The following DENND6A variants were observed in gnomAD, a reference collection of about 807,000 sequenced individuals.
DENND6A encodes the protein protein DENND6A.
Under a neutral mutation model 95.5 loss-of-function variants are expected in DENND6A, and 43 were observed. That is an observed-to-expected ratio of 0.45 (90% CI 0.35 to 0.58). DENND6A has a LOEUF of 0.58. Among genes scored for constraint, DENND6A ranks in the 20% least tolerant of loss-of-function variants. DENND6A has a pLI of 0.00. For missense variants in DENND6A, 574 were observed against 736.0 expected (o/e 0.78, Z 2.55); for synonymous variants, 257 against 260.4 (o/e 0.99, Z 0.13).
chr3:57,674,592 C>T lies in DENND6A; in HGVS notation c.238-2154G>A, dbSNP rs185359123. Among the ~76,000 whole-genome samples, 815 of 152,186 alleles carry T rather than the reference C, an allele frequency of 5.4e-3. 7 individuals carry two copies. The highest frequency in any genetic ancestry group is 8.2e-3 in the Non-Finnish European group (556 of 67,988). ...GTGGAGGTAGCAGTGGGCCCAAGATCGTGCCACTGCACTCCAGCCTGGGCT... is the reference window on the plus strand; with the variant it reads ...GTGGAGGTAGCAGTGGGCCCAAGATTGTGCCACTGCACTCCAGCCTGGGCT... On this transcript the variant is annotated intron_variant, in intron 1 of 19. Transcript: ENST00000311128.
chr3:57,631,103 T>C, intron 15 of DENND6A, 125 bp from the exon 16 acceptor site: 2 of 747,222 alleles, frequency 2.7e-6, no homozygotes, highest in Non-Finnish European at 4.5e-6. Context: ...AACAACTCCA[T>C]CACTCCCCAC....
chr3:57,661,566 A>G lies in DENND6A; in HGVS notation c.514-15T>C. On this transcript the variant is annotated splice_polypyrimidine_tract_variant and intron_variant, in intron 5 of 19. Coordinates refer to ENST00000311128, the MANE Select transcript of DENND6A (RefSeq NM_152678.3). ...AAAACCAAGGACTGAGGAAAAAACA[A>G]AAACAATGTTTTAAAAATTGCTTTG... The G allele has an allele frequency of 1.3e-6, 2 of 1,554,146 alleles. No individual in the cohort carries two copies. Among genetic ancestry groups the G allele is most frequent in the Non-Finnish European group, 1.7e-6 (2 of 1,156,828 alleles).
At chr3:57,653,247 G>A (rs1280360762) in intron 9 of DENND6A, among the ~76,000 whole-genome samples, 1 of 152,098 alleles carries the variant, frequency 6.6e-6, no homozygotes, top group Non-Finnish European at 1.5e-5. Flanking sequence ...ATTCCTTTAA[G>A]GCACCAAGTT....
intron 1 of DENND6A, among the ~76,000 whole-genome samples, chr3:57,674,446 C>T (rs1271547834): frequency 6.7e-6 from 1 of 150,358 alleles, no homozygotes; most frequent in Non-Finnish European, 1.5e-5. Context: ...GCCTGGCCAA[C>T]AAGGTAAAAC....
Position 57,630,535 on chromosome 3 carries a change from C to A in DENND6A, c.1518-12G>T, listed in dbSNP as rs772876712. 6.3e-7 allele frequency: 1 copy of A among 1,582,646 alleles called. No individual in the cohort carries two copies. Among genetic ancestry groups the A allele is most frequent in the Non-Finnish European group, 8.5e-7 (1 of 1,171,746 alleles). ...ACTTTAGGAAATGCCTATAAAAATA[C>A]ATTTTAAAAAAGTAAAGTTTGATTA... is the stretch of plus-strand genomic sequence containing the variant. On this transcript the variant is annotated splice_polypyrimidine_tract_variant and intron_variant, in intron 17 of 19. Transcript: ENST00000311128.
chr3:57,627,082 CT>C lies in DENND6A; in HGVS notation c.*1131del, dbSNP rs1412742555. 11 of 152,072 alleles carry C rather than the reference CT, an allele frequency of 7.2e-5. No homozygotes were observed. The highest frequency in any genetic ancestry group is 2.7e-4 in the African/African-American group (11 of 41,412). 9.4% of individuals were successfully genotyped at this position (152,072 alleles called of 1,614,324 possible). On this transcript the variant is annotated 3_prime_UTR_variant, in exon 20 of 20. Transcript: ENST00000311128. ...ATTATGAGATTTATAATTAAAATGT[CT>C]TTGAAAAGCAGCCAAGTTCATTAGT...
intron 3 of DENND6A, among the ~76,000 whole-genome samples, chr3:57,671,813 T>C (rs1372393156): frequency 6.6e-6 from 1 of 152,172 alleles, no homozygotes; most frequent in Non-Finnish European, 1.5e-5. Context: ...TTTACCTATA[T>C]TAACCCATAT....
At chr3:57,634,284 T>G (rs1575814566) in intron 14 of DENND6A, among the ~76,000 whole-genome samples, 1 of 151,738 alleles carries the variant, frequency 6.6e-6, no homozygotes, top group African/African-American at 2.4e-5. Flanking sequence ...AACACAGAAA[T>G]TAGCCAGGCA....
chr3:57,659,037 A>ATT, intron 8 of DENND6A, 81 bp downstream of exon 8: 2 of 1,314,914 alleles, frequency 1.5e-6, no homozygotes, highest in Non-Finnish European at 2.2e-6. Context: ...TAAACTCAAG[A>ATT]AACTCTGCAT....
At chr3:57,689,787 G>C (rs947953096) in intron 1 of DENND6A, among the ~76,000 whole-genome samples, 1 of 152,150 alleles carries the variant, frequency 6.6e-6, no homozygotes. Context: ...GAAGGGCTGG[G>C]CATGGTGGCT....
Position 57,672,418 on chromosome 3 carries a change from G to C in DENND6A, c.258C>G (p.Ser86=), listed in dbSNP as rs764169037. Residue 86 remains serine (S), a synonymous_variant, in exon 2 of 20, where the codon TCC becomes TCG. Coordinates refer to ENST00000311128, the MANE Select transcript of DENND6A (RefSeq NM_152678.3). ...TACTTACTTCTCTGTCAGTAAGTTT[G>C]GAATGCTGAGGATAAATTACCTGGA... ...QAVEVIYPQH[S]KLTDREKTNI... 23 of 1,612,320 alleles carry C rather than the reference G, an allele frequency of 1.4e-5. No individual in the cohort carries two copies. In the South Asian group the frequency reaches 2.0e-4, roughly 14 times the overall value.
chr3:57,663,711 A>C lies in DENND6A; in HGVS notation c.438T>G (p.Asp146Glu). The C allele has an allele frequency of 1.3e-6, 2 of 1,570,424 alleles. No individual in the cohort carries two copies. The highest frequency in any genetic ancestry group is 1.7e-6 in the Non-Finnish European group (2 of 1,155,856). ...ACACATATCCATAAAAATAAGCAGG[A>C]TCCTTCTAAGAAGAAAGTGACAAGT... ...DKDLPVYLKK[D>E]PAYFYGYVYF... Residue 146 changes from aspartate (D) to glutamate (E), a missense_variant, in exon 5 of 20, where the codon GAT becomes GAG. Physicochemically the swap from Asp to Glu is conservative, Grantham distance 45. Transcript: ENST00000311128.
At chr3:57,678,852 A>C (rs2077133244) in intron 1 of DENND6A, among the ~76,000 whole-genome samples, 1 of 152,240 alleles carries the variant, frequency 6.6e-6, no homozygotes, top group Non-Finnish European at 1.5e-5. Flanking sequence ...TTTTGCCAGT[A>C]ATGCCAGCAC....
rs559858748 is a variant in DENND6A at position 57,638,958 on chromosome 3, C to T, written c.1132+2695G>A. Among the ~76,000 whole-genome samples, 7 of 151,972 alleles carry T rather than the reference C, an allele frequency of 4.6e-5. No individual in the cohort carries two copies. In the South Asian group the frequency reaches 1.0e-3, roughly 23 times the overall value. On this transcript the variant is annotated intron_variant, in intron 12 of 19. Transcript: ENST00000311128. ...CAGAAAAAATAAAAAATTAGCCAGG[C>T]GTGGTGGCGTGCACCTGTACTCCCA...
chr3:57,653,659 T>C (rs1355640556), intron 9 of DENND6A, among the ~76,000 whole-genome samples: 1 of 150,806 alleles, frequency 6.6e-6, no homozygotes, highest in Admixed American at 6.6e-5. Context: ...GGCAGGAGAA[T>C]TGCTTGAACC....
intron 1 of DENND6A, among the ~76,000 whole-genome samples, chr3:57,688,941 G>A (rs1400886285): frequency 6.6e-6 from 1 of 152,130 alleles, no homozygotes; most frequent in Non-Finnish European, 1.5e-5. Flanking sequence ...AGAATTAAGA[G>A]TGATATTTTC....
Position 57,630,460 on chromosome 3 carries a change from T to C in DENND6A, c.1581A>G (p.Gln527=), listed in dbSNP as rs1320858938. 6.3e-7 allele frequency: 1 copy of C among 1,596,816 alleles called. No homozygotes were observed. Residue 527 remains glutamine (Q), a synonymous_variant, in exon 18 of 20, where the codon CAA becomes CAG. Coordinates refer to ENST00000311128, the MANE Select transcript of DENND6A (RefSeq NM_152678.3). ...WFKTRRKEMT[Q]KLEALHLEAL... ...CTTCTAGATGGAGTGCCTCCAATTTTTGGGTCATTTCCTTCCTCCGGGTCT... is the reference window on the plus strand; with the variant it reads ...CTTCTAGATGGAGTGCCTCCAATTTCTGGGTCATTTCCTTCCTCCGGGTCT...
chr3:57,636,084 TTA>T (rs1437051317), intron 12 of DENND6A, among the ~76,000 whole-genome samples: 1 of 152,170 alleles, frequency 6.6e-6, no homozygotes, highest in African/African-American at 2.4e-5. Flanking sequence ...AATTGACTGT[TTA>T]TGTTATTGCT....
chr3:57,685,536 C>T (rs1175487722), intron 1 of DENND6A, among the ~76,000 whole-genome samples: 2 of 152,082 alleles, frequency 1.3e-5, no homozygotes, highest in African/African-American at 4.8e-5. Context: ...TAAAAAGCAT[C>T]ATGTCAGTAC....
Sources: allele counts gnomAD v4.1 joint callset (sites outside exome capture counted in the v4.1 genomes callset), GRCh38; gene constraint gnomAD v4.1.1; transcripts MANE v1.5; gene names NCBI Gene and HGNC (gene_info 2026-07-23, HGNC 2026-07-21).